The following KCNH7 variants were observed in gnomAD, a reference collection of about 807,000 sequenced individuals.
KCNH7 encodes potassium voltage-gated channel subfamily H member 7, also known as voltage-gated inwardly rectifying potassium channel KCNH7.
KCNH7 carries 49 observed loss-of-function variants against 120.8 expected under a neutral mutation model. That is an observed-to-expected ratio of 0.41 (90% CI 0.32 to 0.51). KCNH7 has a LOEUF of 0.51. KCNH7 is among the 20% of genes least tolerant of loss of function. KCNH7 has a pLI of 0.38. For synonymous variants in KCNH7, 547 were observed against 516.1 expected, an observed-to-expected ratio of 1.06 and a Z score of -0.81; for missense variants, 1,097 against 1,446.6, an observed-to-expected ratio of 0.76 and a Z score of 3.92.
At chr2:162,770,502 G>A (rs1415159003) in intron 2 of KCNH7, among the ~76,000 whole-genome samples, 3 of 151,838 alleles carry the variant, frequency 2.0e-5, no homozygotes, top group African/African-American at 7.3e-5. Context: ...TGGGTCAAAC[G>A]TCTAACCTCT....
At chr2:162,488,522 C>T (rs1396544406) in intron 6 of KCNH7, among the ~76,000 whole-genome samples, 1 of 152,104 alleles carries the variant, frequency 6.6e-6, no homozygotes, top group Non-Finnish European at 1.5e-5. Flanking sequence ...AGTAATTAGA[C>T]TTTCCCATTA....
At chr2:162,463,687 G>A (rs926956343) in intron 6 of KCNH7, among the ~76,000 whole-genome samples, 4 of 151,424 alleles carry the variant, frequency 2.6e-5, no homozygotes, top group Admixed American at 6.6e-5. Context: ...AATTTAAAAG[G>A]TCCTTTGAAA....
intron 2 of KCNH7, among the ~76,000 whole-genome samples, chr2:162,736,538 TG>T (rs1449472133): frequency 6.6e-6 from 1 of 152,192 alleles, no homozygotes; most frequent in African/African-American, 2.4e-5. Context: ...ATGATGTTGC[TG>T]ATTGGAAATT....
At chr2:162,597,919 C>T (rs1476711752) in intron 2 of KCNH7, among the ~76,000 whole-genome samples, 6 of 152,030 alleles carry the variant, frequency 3.9e-5, no homozygotes, top group Non-Finnish European at 8.8e-5. Context: ...TGAATATGTA[C>T]TGAATCAAGT....
intron 5 of KCNH7, among the ~76,000 whole-genome samples, chr2:162,505,685 G>C (rs1205033157): frequency 1.3e-5 from 2 of 151,854 alleles, no homozygotes; most frequent in African/African-American, 2.4e-5. Flanking sequence ...TAACAACAGG[G>C]AGAATTTTAT....
chr2:162,560,141 C>T (rs1024893335), intron 2 of KCNH7, among the ~76,000 whole-genome samples: 1 of 152,208 alleles, frequency 6.6e-6, no homozygotes, highest in Non-Finnish European at 1.5e-5. Flanking sequence ...GCCAGAACAT[C>T]ATGTTCCCAG....
intron 2 of KCNH7, among the ~76,000 whole-genome samples, chr2:162,578,992 G>A (rs1486443089): frequency 2.6e-5 from 4 of 151,556 alleles, no homozygotes; most frequent in African/African-American, 4.8e-5. Context: ...CTACTGAAAC[G>A]CCTACACTTG....
intron 2 of KCNH7, among the ~76,000 whole-genome samples, chr2:162,537,654 G>A (rs1692153966): frequency 6.6e-6 from 1 of 151,976 alleles, no homozygotes; most frequent in Non-Finnish European, 1.5e-5. Flanking sequence ...TTTTTATTCT[G>A]TTAGAAAATA....
intron 6 of KCNH7, among the ~76,000 whole-genome samples, chr2:162,486,753 T>C (rs1348409868): frequency 6.6e-6 from 1 of 152,166 alleles, no homozygotes; most frequent in African/African-American, 2.4e-5. Flanking sequence ...ATCACCCCCA[T>C]ATTAATTCCT....
At chr2:162,775,179 C>CA (rs1354744289) in intron 2 of KCNH7, among the ~76,000 whole-genome samples, 1 of 151,832 alleles carries the variant, frequency 6.6e-6, no homozygotes, top group African/African-American at 2.4e-5. Context: ...ATTATCTTTT[C>CA]AAAAAAATGA....
intron 2 of KCNH7, among the ~76,000 whole-genome samples, chr2:162,709,042 T>G (rs16847189): frequency 0.083 from 12,562 of 152,102 alleles, 1,036 homozygotes; most frequent in African/African-American, 0.21. Flanking sequence ...AGTGGGGCAG[T>G]AGCATGCTGA....
At chr2:162,600,307 A>G (rs1469423403) in intron 2 of KCNH7, among the ~76,000 whole-genome samples, 1 of 152,138 alleles carries the variant, frequency 6.6e-6, no homozygotes, top group African/African-American at 2.4e-5. Flanking sequence ...AATGAGACCA[A>G]GCAGCTCCAG....
At chr2:162,685,387 C>A (rs1159771812) in intron 2 of KCNH7, among the ~76,000 whole-genome samples, 3 of 151,808 alleles carry the variant, frequency 2.0e-5, no homozygotes, top group African/African-American at 7.3e-5. Flanking sequence ...GGGAACTTAG[C>A]ATTATACTTA....
intron 2 of KCNH7, among the ~76,000 whole-genome samples, chr2:162,765,079 G>GA (rs1446716275): frequency 6.6e-6 from 1 of 152,012 alleles, no homozygotes; most frequent in African/African-American, 2.4e-5. Context: ...AAGGAAGGAG[G>GA]AAAAAGAATA....
chr2:162,478,392 A>G (rs1689817243), intron 6 of KCNH7, among the ~76,000 whole-genome samples: 1 of 152,166 alleles, frequency 6.6e-6, no homozygotes, highest in Non-Finnish European at 1.5e-5. Flanking sequence ...GGCACCATGT[A>G]TTACCTCAGT....
intron 2 of KCNH7, among the ~76,000 whole-genome samples, chr2:162,774,677 C>G (rs1683171540): frequency 6.6e-6 from 1 of 152,002 alleles, no homozygotes; most frequent in Non-Finnish European, 1.5e-5. Context: ...GAATATTGCC[C>G]TCAAAACAAA....
At chr2:162,463,185 G>A (rs1413056047) in intron 6 of KCNH7, among the ~76,000 whole-genome samples, 2 of 151,942 alleles carry the variant, frequency 1.3e-5, no homozygotes, top group African/African-American at 4.8e-5. Context: ...TTGGAGATCT[G>A]ACAAGCTTCA....
intron 2 of KCNH7, among the ~76,000 whole-genome samples, chr2:162,774,325 C>T (rs1244207114): frequency 6.6e-6 from 1 of 151,944 alleles, no homozygotes; most frequent in Non-Finnish European, 1.5e-5. Context: ...TAATGATTAG[C>T]AAAACATGGG....
chr2:162,666,080 T>C (rs1685123545), intron 2 of KCNH7, among the ~76,000 whole-genome samples: 2 of 152,176 alleles, frequency 1.3e-5, no homozygotes, highest in South Asian at 4.1e-4. Context: ...GGACATCCTT[T>C]CATGAAAATT....
Sources: gnomAD v4.1 joint callset for allele counts (sites outside exome capture counted in the v4.1 genomes callset) on GRCh38, gnomAD v4.1.1 for gene constraint, MANE v1.5 for transcripts, NCBI Gene and HGNC (gene_info 2026-07-23, HGNC 2026-07-21) for gene names.